The following CLIP1 variants were observed in gnomAD, a reference collection of about 807,000 sequenced individuals.
CLIP1 encodes the protein CAP-Gly domain containing linker protein 1, also known as CAP-Gly domain-containing linker protein 1.
In CLIP1, 66 loss-of-function variants were observed where a neutral mutation model predicts 161.6. The ratio of observed to expected loss-of-function variants is 0.41; its 90% confidence interval spans 0.33 to 0.50. The LOEUF is 0.50. Ranked by LOEUF, CLIP1 falls within the 20% of genes least tolerant of loss-of-function variation. The pLI is 0.27. For missense variants in CLIP1, 1,376 were observed against 1,702.0 expected, an observed-to-expected ratio of 0.81 and a Z score of 3.37; for synonymous variants, 598 against 626.2, an observed-to-expected ratio of 0.96 and a Z score of 0.67.
At chr12:122,359,940 T>C (rs944288355) in intron 5 of CLIP1, among the ~76,000 whole-genome samples, 1 of 152,208 alleles carries the variant, frequency 6.6e-6, no homozygotes, top group Non-Finnish European at 1.5e-5. Flanking sequence ...GGTAATAAAC[T>C]TATGGGCAGG....
chr12:122,324,534 C>T (rs1951636592), intron 17 of CLIP1, among the ~76,000 whole-genome samples: 1 of 152,120 alleles, frequency 6.6e-6, no homozygotes, highest in South Asian at 2.1e-4. Flanking sequence ...GGGAAAGAAA[C>T]TAAACAGAGC....
chr12:122,333,519 G>A (rs1299053160), intron 14 of CLIP1, among the ~76,000 whole-genome samples: 2 of 152,190 alleles, frequency 1.3e-5, no homozygotes, highest in Non-Finnish European at 2.9e-5. Flanking sequence ...GGCTGAAGTG[G>A]TTGGAGTGGA....
chr12:122,375,697 C>A (rs1236396757), intron 3 of CLIP1, among the ~76,000 whole-genome samples: 1 of 151,992 alleles, frequency 6.6e-6, no homozygotes, highest in East Asian at 1.9e-4. Context: ...CTTATACACA[C>A]CCATATAATT....
At chr12:122,277,785 TA>T (rs11411723) in intron 24 of CLIP1, 4 of 169,276 alleles carry the variant, frequency 2.4e-5, no homozygotes, top group Middle Eastern at 2.5e-3. Context: ...TACATAGCTA[TA>T]AAAAAAATAA....
chr12:122,290,847 A>C (rs915448366), intron 20 of CLIP1, among the ~76,000 whole-genome samples: 5 of 149,080 alleles, frequency 3.4e-5, no homozygotes, highest in Non-Finnish European at 7.5e-5. Flanking sequence ...TAGCAGTTTT[A>C]TTTCTTTTTT....
At chr12:122,403,924 G>A (rs984284086) in intron 1 of CLIP1, among the ~76,000 whole-genome samples, 3 of 152,184 alleles carry the variant, frequency 2.0e-5, no homozygotes, top group Non-Finnish European at 2.9e-5. Context: ...AGAGTGGTCC[G>A]ATGACATGAT....
At chr12:122,304,486 G>A (rs1192490989) in intron 20 of CLIP1, among the ~76,000 whole-genome samples, 4 of 152,052 alleles carry the variant, frequency 2.6e-5, no homozygotes, top group East Asian at 1.9e-4. Context: ...TCAGTCTCCC[G>A]AGTAGCCAGA....
intron 1 of CLIP1, among the ~76,000 whole-genome samples, chr12:122,389,889 G>A (rs1955518693): frequency 6.6e-6 from 1 of 150,746 alleles, no homozygotes; most frequent in Non-Finnish European, 1.5e-5. Flanking sequence ...CCGGTGGGAG[G>A]TGTTTGGGTC....
chr12:122,361,984 C>T (rs1240801595), intron 4 of CLIP1, among the ~76,000 whole-genome samples: 1 of 151,436 alleles, frequency 6.6e-6, no homozygotes, highest in Non-Finnish European at 1.5e-5. Context: ...GACAAAGTCT[C>T]AGTCTGTTGC....
At chr12:122,411,533 G>T (rs1313732711) in intron 1 of CLIP1, among the ~76,000 whole-genome samples, 1 of 152,014 alleles carries the variant, frequency 6.6e-6, no homozygotes, top group Non-Finnish European at 1.5e-5. Context: ...GTGGTATTGG[G>T]GTATATCTAC....
chr12:122,362,905 G>A (rs1306587728), intron 4 of CLIP1, among the ~76,000 whole-genome samples: 1 of 151,874 alleles, frequency 6.6e-6, no homozygotes, highest in Admixed American at 6.6e-5. Context: ...AAGAAAAGAT[G>A]GCTTCATAAT....
chr12:122,274,316 G>A (rs757535208), intron 24 of CLIP1, 154 bp from the exon 25 acceptor site: 29 of 585,728 alleles, frequency 5.0e-5, no homozygotes, highest in African/African-American at 1.5e-4. Context: ...TCACTCTCCC[G>A]GAGGACAGGC....
At chr12:122,305,427 T>C (rs1950827878) in intron 20 of CLIP1, among the ~76,000 whole-genome samples, 1 of 152,202 alleles carries the variant, frequency 6.6e-6, no homozygotes, top group African/African-American at 2.4e-5. Context: ...TGAGACTCTG[T>C]CTCTTAAAAA....
At chr12:122,393,862 A>G (rs1475410509) in intron 1 of CLIP1, among the ~76,000 whole-genome samples, 1 of 141,074 alleles carries the variant, frequency 7.1e-6, no homozygotes, top group Non-Finnish European at 1.5e-5. Context: ...TGGTTAGCTG[A>G]GATCAGACCA....
intron 20 of CLIP1, among the ~76,000 whole-genome samples, chr12:122,308,003 T>G (rs1351482104): frequency 2.6e-5 from 4 of 152,236 alleles, no homozygotes; most frequent in Non-Finnish European, 4.4e-5. Context: ...TCTAACACTC[T>G]GCAAAGTGCC....
chr12:122,304,896 A>G (rs902585347), intron 20 of CLIP1, among the ~76,000 whole-genome samples: 3 of 152,230 alleles, frequency 2.0e-5, no homozygotes, highest in Admixed American at 6.5e-5. Flanking sequence ...AGCTAAAAAT[A>G]GCTTTCCCTT....
intron 16 of CLIP1, 44 bp downstream of exon 16, chr12:122,328,217 T>C (rs752302575): frequency 1.9e-6 from 3 of 1,613,430 alleles, no homozygotes; most frequent in Non-Finnish European, 1.7e-6. Flanking sequence ...GTACTATCCC[T>C]TGCCTTCCTT....
At chr12:122,347,354 T>C (rs1254165669) in intron 10 of CLIP1, 21 bp downstream of exon 10, 4 of 1,544,734 alleles carry the variant, frequency 2.6e-6, no homozygotes, top group East Asian at 4.5e-5. Flanking sequence ...GTCTGCTTCA[T>C]TAAATAGTGA....
In CLIP1 at chr12:122,290,349, T is replaced by G. The variant is rs191490570; in HGVS notation, c.3595-1808A>C. On this transcript the variant is annotated intron_variant, in intron 20 of 25. Transcript: ENST00000620786. ...GCTGCATGACTAATTCACAGAAATA[T>G]TTAGAAATTTTTAGAATGAAAGGAA... is the stretch of plus-strand genomic sequence containing the variant. 2.6e-3 allele frequency among the ~76,000 whole-genome samples: 393 copies of G among 152,072 alleles called. 4 individuals are homozygous for G. Among genetic ancestry groups the G allele is most frequent in the Admixed American group, 4.2e-3 (64 of 15,290 alleles).
Sources: allele counts gnomAD v4.1 joint callset (sites outside exome capture counted in the v4.1 genomes callset), GRCh38; gene constraint gnomAD v4.1.1; transcripts MANE v1.5; gene names NCBI Gene and HGNC (gene_info 2026-07-23, HGNC 2026-07-21).